The following CRYBG1 variants were observed in gnomAD, a reference collection of about 807,000 sequenced individuals.
CRYBG1 encodes the protein beta/gamma crystallin domain-containing protein 1.
In CRYBG1, 139 loss-of-function variants were observed where a neutral mutation model predicts 189.2. The ratio of observed to expected loss-of-function variants is 0.73; its 90% CI spans 0.64 to 0.85. The LOEUF (loss-of-function observed/expected upper bound fraction) is 0.85, where lower values mean the gene tolerates loss of function less well. CRYBG1 is among the 40% of genes least tolerant of loss of function. The pLI is 0.00. For synonymous variants in CRYBG1, 1,023 were observed against 1,017.1 expected, an observed-to-expected ratio of 1.01 and a Z score of -0.11; for missense variants, 2,611 against 2,675.8, an observed-to-expected ratio of 0.98 and a Z score of 0.53.
intron 14 of CRYBG1, 21 bp from the exon 15 acceptor site, chr6:106,552,163 C>G: frequency 6.3e-7 from 1 of 1,579,244 alleles, no homozygotes; most frequent in Non-Finnish European, 8.6e-7. Context: ...TTCCTTTTCT[C>G]CTTCCTTTAA....
chr6:106,495,215 C>T (rs573927677), intron 2 of CRYBG1, among the ~76,000 whole-genome samples: 3 of 152,204 alleles, frequency 2.0e-5, no homozygotes, highest in East Asian at 3.9e-4. Context: ...GGGAGAGAGC[C>T]GGCTCTGGCT....
chr6:106,508,862 T>C (rs1773183885), intron 2 of CRYBG1, among the ~76,000 whole-genome samples: 1 of 150,028 alleles, frequency 6.7e-6, no homozygotes. Context: ...AGGAGTCAAG[T>C]AGTTGAGCCA....
intron 8 of CRYBG1, among the ~76,000 whole-genome samples, chr6:106,534,350 T>TGTCATTAGGACAGTG (rs6149741): frequency 0.45 from 68,589 of 151,870 alleles, 16,011 homozygotes; most frequent in South Asian, 0.53. Flanking sequence ...TCATTTCTGT[T>TGTCATTAGGACAGTG]GAACACTGCC....
chr6:106,572,011 T>A lies in CRYBG1; in HGVS notation c.*3445T>A. The A allele has an allele frequency of 6.2e-7, 1 of 1,611,786 alleles. No homozygotes were observed. Among genetic ancestry groups the A allele is most frequent in the Non-Finnish European group, 8.5e-7 (1 of 1,178,016 alleles). ...GCATTTTTATTTAAACAACATTAAT[T>A]ACAGTCTTTCCTCGTGCGTGTCCTC... On this transcript the variant is annotated 3_prime_UTR_variant, in exon 22 of 22. Coordinates refer to ENST00000633556, the MANE Select transcript of CRYBG1 (RefSeq NM_001371242.2).
At chr6:106,511,313 A>G in intron 2 of CRYBG1, 117 bp from the exon 3 acceptor site, 1 of 960,670 alleles carries the variant, frequency 1.0e-6, no homozygotes, top group Non-Finnish European at 1.5e-6. Context: ...TAACTTTATC[A>G]TTTTCAATTA....
At chr6:106,391,970 T>TGTGC (rs1257494111) in intron 1 of CRYBG1, among the ~76,000 whole-genome samples, 3 of 78,330 alleles carry the variant, frequency 3.8e-5, no homozygotes, top group African/African-American at 1.7e-4. Flanking sequence ...TGTGTGTGTG[T>TGTGC]GCGTGCGCGT....
intron 1 of CRYBG1, among the ~76,000 whole-genome samples, chr6:106,422,344 A>ATTTATTTTATTTTTTTTTTT (rs57640822): frequency 4.4e-4 from 62 of 139,988 alleles, no homozygotes; most frequent in Admixed American, 3.7e-3. Context: ...TTATTTATTT[A>ATTTATTTTATTTTTTTTTTT]TTTTTGAGAC....
chr6:106,385,236 G>A (rs1770360506), intron 1 of CRYBG1, among the ~76,000 whole-genome samples: 1 of 152,184 alleles, frequency 6.6e-6, no homozygotes, highest in African/African-American at 2.4e-5. Flanking sequence ...AAACGTGTGT[G>A]CTCTGCATCC....
intron 8 of CRYBG1, among the ~76,000 whole-genome samples, chr6:106,535,305 A>G (rs936497): frequency 0.1 from 15,902 of 152,236 alleles, 898 homozygotes; most frequent in East Asian, 0.12. Context: ...AATATACCAT[A>G]TCAGAGCCCA....
At chr6:106,553,650 T>A (rs915603910) in intron 16 of CRYBG1, 83 bp downstream of exon 16, 2 of 943,432 alleles carry the variant, frequency 2.1e-6, no homozygotes, top group Non-Finnish European at 3.4e-6. Context: ...GTGATGCCTG[T>A]TAGGTGCTTG....
At chr6:106,430,741 T>C (rs1771308125) in intron 1 of CRYBG1, among the ~76,000 whole-genome samples, 1 of 151,982 alleles carries the variant, frequency 6.6e-6, no homozygotes, top group East Asian at 1.9e-4. Flanking sequence ...TCCCTCTCCA[T>C]GGGGCGTCTG....
chr6:106,410,492 A>T (rs984687027), intron 1 of CRYBG1, among the ~76,000 whole-genome samples: 1 of 152,330 alleles, frequency 6.6e-6, no homozygotes, highest in East Asian at 1.9e-4. Context: ...TTGAACCAGA[A>T]ATACCATTTG....
intron 2 of CRYBG1, among the ~76,000 whole-genome samples, chr6:106,508,034 C>T (rs1773167981): frequency 6.6e-6 from 1 of 152,160 alleles, no homozygotes; most frequent in South Asian, 2.1e-4. Context: ...ATCACTTAAG[C>T]CCAAGACTTT....
chr6:106,370,383 T>C (rs573095846), intron 1 of CRYBG1, among the ~76,000 whole-genome samples: 13 of 152,294 alleles, frequency 8.5e-5, no homozygotes, highest in Non-Finnish European at 1.8e-4. Flanking sequence ...TTGCTGCCCA[T>C]GCTAAAGAGG....
intron 1 of CRYBG1, among the ~76,000 whole-genome samples, chr6:106,434,104 T>C (rs989409975): frequency 6.6e-6 from 1 of 151,714 alleles, no homozygotes; most frequent in African/African-American, 2.4e-5. Context: ...CCTCAGTTCC[T>C]CAATGGCTAT....
chr6:106,501,078 G>A (rs1773000802), intron 2 of CRYBG1, among the ~76,000 whole-genome samples: 1 of 152,202 alleles, frequency 6.6e-6, no homozygotes. Context: ...TGATGAAGAG[G>A]TAGGGACACA....
At chr6:106,364,199 C>A (rs1771937076) in intron 1 of CRYBG1, among the ~76,000 whole-genome samples, 1 of 152,050 alleles carries the variant, frequency 6.6e-6, no homozygotes, top group Admixed American at 6.6e-5. Flanking sequence ...TGGTGGCTCA[C>A]ACCTGTAATC....
At position 106,544,695 on chromosome 6, in the gene CRYBG1, G is replaced by A. The variant is rs537568092; in HGVS notation, c.5164G>A (p.Gly1722Ser). ...GELQSLRPIL[G>S]DFSNAHMIMY... Reference sequence around the variant, plus strand: ...GCTTCAGTCTTTACGACCTATATTAGGTGTAAGTAAAGGACAAGCTAATGG... The same window carrying A: ...GCTTCAGTCTTTACGACCTATATTAAGTGTAAGTAAAGGACAAGCTAATGG... Residue 1722 changes from glycine (G) to serine (S), a missense_variant and splice_region_variant, in exon 12 of 22, where the codon GGT becomes AGT. Physicochemically the swap from Gly to Ser is moderately conservative, Grantham distance 56. Around this residue, in one of 3 missense-constraint regions of CRYBG1, gnomAD observed 1,622 missense variants for 1,735.0 expected, o/e 0.93. Transcript: ENST00000633556. 1.9e-5 allele frequency: 31 copies of A among 1,613,312 alleles called. No individual in the cohort carries two copies. The highest frequency in any genetic ancestry group is 2.5e-5 in the Non-Finnish European group (30 of 1,179,794).
At chr6:106,432,476 G>A (rs1387227594) in intron 1 of CRYBG1, among the ~76,000 whole-genome samples, 3 of 151,796 alleles carry the variant, frequency 2.0e-5, no homozygotes, top group Non-Finnish European at 2.9e-5. Flanking sequence ...TACAAGCTGT[G>A]GTAGGTACAA....
Sources: gnomAD v4.1 joint callset for allele counts (sites outside exome capture counted in the v4.1 genomes callset) on GRCh38, gnomAD v4.1.1 for gene constraint, gnomAD v4.1.1 regional missense constraint, MANE v1.5 for transcripts, NCBI Gene and HGNC (gene_info 2026-07-23, HGNC 2026-07-21) for gene names.